Variants in TAFA5 observed in about 807,000 individuals in gnomAD.
TAFA5 encodes TAFA chemokine like family member 5.
A neutral mutation model predicts 15.3 loss-of-function variants in TAFA5; 6 were observed. That is an observed-to-expected ratio of 0.39 (90% CI 0.21 to 0.77). The LOEUF (loss-of-function observed/expected upper bound fraction) is 0.77. Ranked by LOEUF, TAFA5 falls within the 30% of genes least tolerant of loss-of-function variation. The pLI is 0.41. For synonymous variants in TAFA5, 103 were observed against 80.7 expected, an observed-to-expected ratio of 1.28 and a Z score of -1.48; for missense variants, 161 against 193.1, an observed-to-expected ratio of 0.83 and a Z score of 0.98.
rs7354789 is a variant in TAFA5 at position 48,512,225 on chromosome 22, T to G, written c.112+22521T>G. Reference sequence around the variant, plus strand: ...GGAGATGCCCTGCTGACAGTGGGGCTGGCCCCTTCGCTGCCTCTCGCTGCG... The same window carrying G: ...GGAGATGCCCTGCTGACAGTGGGGCGGGCCCCTTCGCTGCCTCTCGCTGCG... On this transcript the variant is annotated intron_variant, in intron 1 of 3. Transcript: ENST00000402357. Among the ~76,000 whole-genome samples the G allele has an allele frequency of 2.6e-3, 391 of 152,180 alleles. 12 individuals are homozygous for G. Among genetic ancestry groups the G allele is most frequent in the Non-Finnish European group, 5.9e-4 (40 of 68,010 alleles).
intron 1 of TAFA5, among the ~76,000 whole-genome samples, chr22:48,582,233 AAC>A (rs903839176): frequency 8.6e-5 from 13 of 151,494 alleles, no homozygotes; most frequent in African/African-American, 3.2e-4. Flanking sequence ...CCACACAAAA[AAC>A]ACAACGCATA....
intron 3 of TAFA5, among the ~76,000 whole-genome samples, chr22:48,743,431 G>A (rs1330684175): frequency 6.6e-6 from 1 of 152,184 alleles, no homozygotes; most frequent in Non-Finnish European, 1.5e-5. Flanking sequence ...ACCCTAATCT[G>A]ATACGACCCC....
intron 3 of TAFA5, among the ~76,000 whole-genome samples, chr22:48,712,831 G>C (rs1391019602): frequency 1.3e-5 from 2 of 152,198 alleles, no homozygotes; most frequent in African/African-American, 2.4e-5. Flanking sequence ...GCCTTCCTCT[G>C]TCCTTGAGTT....
chr22:48,494,778 C>T (rs185598170), intron 1 of TAFA5, among the ~76,000 whole-genome samples: 1 of 152,222 alleles, frequency 6.6e-6, no homozygotes, highest in East Asian at 1.9e-4. Context: ...GCACAAGCTG[C>T]CTCGGTGCTG....
rs946901485 is a variant in TAFA5 at position 48,550,842 on chromosome 22, C to T, written c.112+61138C>T. 5.9e-5 allele frequency among the ~76,000 whole-genome samples: 9 copies of T among 152,068 alleles called. No individual in the cohort carries two copies. The highest frequency in any genetic ancestry group is 1.9e-4 in the African/African-American group (8 of 41,426). ...GTGCCTCCAGGATTCAGGCCTGAGTCGTGCCCGGGACCATGTGGATCCCTT... is the reference window on the plus strand; with the variant it reads ...GTGCCTCCAGGATTCAGGCCTGAGTTGTGCCCGGGACCATGTGGATCCCTT... On this transcript the variant is annotated intron_variant, in intron 1 of 3. Coordinates refer to ENST00000402357, the MANE Select transcript of TAFA5 (RefSeq NM_001082967.3). This position sits in a 1 kb window ranked among gnomAD's most constrained non-coding sequence, Gnocchi z 4.1.
intron 1 of TAFA5, among the ~76,000 whole-genome samples, chr22:48,540,922 G>A (rs1309573958): frequency 1.3e-5 from 2 of 151,420 alleles, no homozygotes; most frequent in Non-Finnish European, 1.5e-5. Context: ...ATTAGAAGCC[G>A]GCCAGGTAAC....
chr22:48,506,072 T>C (rs1156361846), intron 1 of TAFA5, among the ~76,000 whole-genome samples: 1 of 152,006 alleles, frequency 6.6e-6, no homozygotes, highest in African/African-American at 2.4e-5. Flanking sequence ...CCAGCTGAGG[T>C]CGCCCTTCCC....
chr22:48,559,854 C>A (rs2147131533), intron 1 of TAFA5, among the ~76,000 whole-genome samples: 1 of 152,256 alleles, frequency 6.6e-6, no homozygotes, highest in East Asian at 1.9e-4. Context: ...AGGCCCGGGT[C>A]TTCATCCTCA....
chr22:48,633,921 G>A (rs377338654), intron 1 of TAFA5, among the ~76,000 whole-genome samples: 2 of 152,326 alleles, frequency 1.3e-5, no homozygotes, highest in East Asian at 3.9e-4. Context: ...AATCGTGGGT[G>A]AGAAACAGCT....
chr22:48,681,498 A>G (rs2147230579), intron 2 of TAFA5, among the ~76,000 whole-genome samples: 1 of 150,596 alleles, frequency 6.6e-6, no homozygotes, highest in South Asian at 2.1e-4. Flanking sequence ...TACAAAAAAA[A>G]AAAAAAATTA....
At chr22:48,527,161 C>T (rs1921808660) in intron 1 of TAFA5, among the ~76,000 whole-genome samples, 1 of 152,254 alleles carries the variant, frequency 6.6e-6, no homozygotes, top group African/African-American at 2.4e-5. Context: ...CCATGTGGTT[C>T]ACCCTCTGGA....
rs964086900 is a variant in TAFA5, at chr22:48,578,807, T to C, written c.113-67790T>C. On this transcript the variant is annotated intron_variant, in intron 1 of 3. Coordinates refer to ENST00000402357, the MANE Select transcript of TAFA5 (RefSeq NM_001082967.3). ...TTGCTGAGACGGCCTTTTGGCCCCT[T>C]GGCATCAGGAGCCCCAGGGGAGGCC... Among the ~76,000 whole-genome samples the C allele has an allele frequency of 5.3e-5, 8 of 152,072 alleles. No homozygotes were observed. The East Asian group carries it at 1.6e-3, about 30-fold the overall frequency.
chr22:48,592,139 A>G (rs1924592453), intron 1 of TAFA5, among the ~76,000 whole-genome samples: 1 of 152,102 alleles, frequency 6.6e-6, no homozygotes, highest in Admixed American at 6.5e-5. Flanking sequence ...CCACGGGTGG[A>G]GTTGCTGTTG....
chr22:48,616,587 G>T (rs142123849), intron 1 of TAFA5, among the ~76,000 whole-genome samples: 2 of 100,610 alleles, frequency 2.0e-5, no homozygotes, highest in African/African-American at 5.5e-5. Flanking sequence ...GAGGCAGGAA[G>T]GTGGCATTTT....
chr22:48,685,561 T>G (rs1245756135), intron 2 of TAFA5, among the ~76,000 whole-genome samples: 1 of 152,144 alleles, frequency 6.6e-6, no homozygotes, highest in African/African-American at 2.4e-5. Flanking sequence ...TTGTCAGTCT[T>G]ATGATCTCTC....
chr22:48,493,872 C>G (rs569249028), intron 1 of TAFA5, among the ~76,000 whole-genome samples: 1 of 152,298 alleles, frequency 6.6e-6, no homozygotes, highest in East Asian at 1.9e-4. Context: ...CCCTGGAGAG[C>G]CGCATTTACT....
At chr22:48,686,293 A>C (rs139021522) in intron 2 of TAFA5, among the ~76,000 whole-genome samples, 2 of 152,280 alleles carry the variant, frequency 1.3e-5, no homozygotes, top group Non-Finnish European at 2.9e-5. Flanking sequence ...TTTGTTTCTC[A>C]CAGCTCTGGA....
chr22:48,664,426 G>A (rs1015130156), intron 2 of TAFA5, among the ~76,000 whole-genome samples: 2 of 152,116 alleles, frequency 1.3e-5, no homozygotes, highest in Admixed American at 1.3e-4. Flanking sequence ...AATTCTATTG[G>A]TTTACAAAAT....
At chr22:48,547,618 A>G (rs1922721362) in intron 1 of TAFA5, among the ~76,000 whole-genome samples, 1 of 152,130 alleles carries the variant, frequency 6.6e-6, no homozygotes, top group Non-Finnish European at 1.5e-5. Flanking sequence ...TGCCTTATGT[A>G]CCGGCCCTTG....
Sources: allele counts gnomAD v4.1 joint callset (sites outside exome capture counted in the v4.1 genomes callset), GRCh38; gene constraint gnomAD v4.1.1; non-coding constraint Gnocchi (gnomAD v3.1); transcripts MANE v1.5; gene names NCBI Gene and HGNC (gene_info 2026-07-23, HGNC 2026-07-21).